Variants in NTM observed in about 807,000 individuals in gnomAD.
The protein encoded by NTM is IgLON family member 2.
Under a neutral mutation model 42.1 loss-of-function variants are expected in NTM, and 13 were observed. The ratio of observed to expected loss-of-function variants is 0.31; its 90% confidence interval spans 0.20 to 0.49. The LOEUF (loss-of-function observed/expected upper bound fraction) is 0.49, where lower values mean the gene tolerates loss of function less well. NTM is among the 20% of genes least tolerant of loss of function. The pLI, the probability that NTM is intolerant of heterozygous loss-of-function variation, is 0.99. For synonymous variants in NTM, 187 were observed against 179.2 expected (o/e 1.04, Z -0.35); for missense variants, 373 against 452.8 (o/e 0.82, Z 1.60).
intron 1 of NTM, among the ~76,000 whole-genome samples, chr11:131,377,088 G>A (rs1410252406): frequency 1.3e-5 from 2 of 152,134 alleles, no homozygotes; most frequent in Non-Finnish European, 2.9e-5. Flanking sequence ...CTGGCCTCCT[G>A]TGCAAATGAT....
intron 4 of NTM, among the ~76,000 whole-genome samples, chr11:132,236,877 A>G (rs1169316311): frequency 6.6e-6 from 1 of 152,206 alleles, no homozygotes; most frequent in African/African-American, 2.4e-5. Context: ...CAGGTTACCG[A>G]AGGCCACACA....
intron 1 of NTM, among the ~76,000 whole-genome samples, chr11:131,846,474 G>A (rs2044916130): frequency 6.6e-6 from 1 of 151,804 alleles, no homozygotes; most frequent in African/African-American, 2.4e-5. Context: ...TTTAATCTTT[G>A]TATTTTAAAA....
At chr11:132,081,381 C>T (rs1362284953) in intron 2 of NTM, among the ~76,000 whole-genome samples, 1 of 152,178 alleles carries the variant, frequency 6.6e-6, no homozygotes, top group Non-Finnish European at 1.5e-5. Flanking sequence ...TGTACATTGA[C>T]ATCTTGTAGT....
intron 1 of NTM, among the ~76,000 whole-genome samples, chr11:131,425,329 C>G (rs1948021657): frequency 1.3e-5 from 2 of 152,160 alleles, no homozygotes; most frequent in Non-Finnish European, 2.9e-5. Context: ...CCCTATAGTT[C>G]CTGCCGCGAG....
At chr11:131,941,699 C>T (rs180928100) in intron 2 of NTM, among the ~76,000 whole-genome samples, 24 of 152,328 alleles carry the variant, frequency 1.6e-4, no homozygotes, top group African/African-American at 5.5e-4. Flanking sequence ...CCTTGTAAAG[C>T]ACCTAACACA....
chr11:132,186,849 A>G (rs1244856683), intron 3 of NTM, among the ~76,000 whole-genome samples: 1 of 152,196 alleles, frequency 6.6e-6, no homozygotes, highest in Non-Finnish European at 1.5e-5. Context: ...TTCTCATCCC[A>G]TTACCGCTTC....
At chr11:132,095,134 G>A (rs931888614) in intron 2 of NTM, among the ~76,000 whole-genome samples, 2 of 152,108 alleles carry the variant, frequency 1.3e-5, no homozygotes, top group Non-Finnish European at 2.9e-5. Flanking sequence ...GCTCACTCTG[G>A]GCACCTACTT....
intron 3 of NTM, among the ~76,000 whole-genome samples, chr11:132,190,308 A>G (rs886149893): frequency 2.0e-5 from 3 of 152,238 alleles, no homozygotes; most frequent in African/African-American, 7.2e-5. Flanking sequence ...CATAGCAAGG[A>G]AGGGCACTGA....
At chr11:132,069,287 G>T (rs1408039082) in intron 2 of NTM, among the ~76,000 whole-genome samples, 2 of 149,374 alleles carry the variant, frequency 1.3e-5, no homozygotes, top group Non-Finnish European at 3.0e-5. Flanking sequence ...ACGTCACTCA[G>T]CCAAGTTAAC....
At chr11:131,544,198 A>G (rs900363274) in intron 1 of NTM, among the ~76,000 whole-genome samples, 2 of 152,334 alleles carry the variant, frequency 1.3e-5, no homozygotes, top group East Asian at 1.9e-4. Flanking sequence ...TCTTTCTGGC[A>G]CTTGGAATAA....
chr11:131,541,656 A>G (rs1327679832), intron 1 of NTM, among the ~76,000 whole-genome samples: 1 of 152,248 alleles, frequency 6.6e-6, no homozygotes, highest in East Asian at 1.9e-4. Flanking sequence ...TAAACAAGCA[A>G]TGAGATCTCT....
At chr11:131,649,979 T>C (rs2134323825) in intron 1 of NTM, among the ~76,000 whole-genome samples, 1 of 152,280 alleles carries the variant, frequency 6.6e-6, no homozygotes, top group South Asian at 2.1e-4. Context: ...ACACGCTTCT[T>C]TCCCGTTTAT....
intron 1 of NTM, among the ~76,000 whole-genome samples, chr11:131,616,123 C>T (rs2061908819): frequency 6.6e-6 from 1 of 152,206 alleles, no homozygotes; most frequent in Admixed American, 6.5e-5. Flanking sequence ...TGGACTCTTT[C>T]ATCAAGAGGT....
intron 1 of NTM, among the ~76,000 whole-genome samples, chr11:131,735,164 C>T (rs1011438327): frequency 2.0e-5 from 3 of 152,190 alleles, no homozygotes; most frequent in African/African-American, 4.8e-5. Flanking sequence ...GAAAAGCAAA[C>T]GTTTTCATAA....
intron 1 of NTM, among the ~76,000 whole-genome samples, chr11:131,604,254 T>G (rs1406818165): frequency 6.6e-6 from 1 of 152,222 alleles, no homozygotes; most frequent in Non-Finnish European, 1.5e-5. Context: ...ACTGTGGTTT[T>G]GATTTGCATT....
intron 2 of NTM, among the ~76,000 whole-genome samples, chr11:132,052,603 A>G (rs1036281714): frequency 5.3e-5 from 8 of 152,228 alleles, no homozygotes; most frequent in Non-Finnish European, 1.0e-4. Context: ...TCTAACAGAC[A>G]GGAATTAAGG....
At chr11:131,416,063 T>A (rs992615552) in intron 1 of NTM, among the ~76,000 whole-genome samples, 3 of 152,156 alleles carry the variant, frequency 2.0e-5, no homozygotes, top group African/African-American at 7.2e-5. Context: ...CCAGAAAATA[T>A]TTGGGACATA....
At chr11:132,192,535 G>A (rs1053212918) in intron 3 of NTM, among the ~76,000 whole-genome samples, 1 of 152,142 alleles carries the variant, frequency 6.6e-6, no homozygotes, top group Non-Finnish European at 1.5e-5. Context: ...GGAAAAGAAA[G>A]AATAGTACCT....
chr11:132,005,614 G>A (rs1011943125), intron 2 of NTM, among the ~76,000 whole-genome samples: 1 of 152,172 alleles, frequency 6.6e-6, no homozygotes, highest in Non-Finnish European at 1.5e-5. Flanking sequence ...GACAGATAGT[G>A]GGGATTCTAA....
Sources: gnomAD v4.1 joint callset for allele counts (sites outside exome capture counted in the v4.1 genomes callset) on GRCh38, gnomAD v4.1.1 for gene constraint, MANE v1.5 for transcripts, NCBI Gene and HGNC (gene_info 2026-07-23, HGNC 2026-07-21) for gene names.